The following AMPD1 variants were observed in gnomAD, a reference collection of about 807,000 sequenced individuals.
The protein encoded by AMPD1 is adenosine monophosphate deaminase 1.
A neutral mutation model predicts 82.9 loss-of-function variants in AMPD1; 74 were observed. The observed-to-expected ratio is 0.89, with a 90% CI of 0.74 to 1.08. The LOEUF (loss-of-function observed/expected upper bound fraction) is 1.08. Ranked by LOEUF, AMPD1 falls within the 50% of genes least tolerant of loss-of-function variation. AMPD1 has a pLI of 0.00. For missense variants in AMPD1, 881 were observed against 924.5 expected (o/e 0.95, Z 0.61); for synonymous variants, 333 against 320.5 (o/e 1.04, Z -0.42).
chr1:114,690,581 TAAACTC>T (rs1478315530), intron 2 of AMPD1, among the ~76,000 whole-genome samples: 4 of 152,204 alleles, frequency 2.6e-5, no homozygotes, highest in African/African-American at 9.6e-5. Context: ...TTTGCCTTGT[TAAACTC>T]AAACAACTGA....
intron 2 of AMPD1, among the ~76,000 whole-genome samples, chr1:114,690,396 A>G (rs1658479048): frequency 6.6e-6 from 1 of 152,188 alleles, no homozygotes. Context: ...TTGGACTATG[A>G]ATGAGATAAT....
Position 114,677,971 on chromosome 1 carries a change from C to T in AMPD1, c.1163G>A (p.Arg388Gln), listed in dbSNP as rs781528554. The T allele has an allele frequency of 4.0e-5, 64 of 1,613,610 alleles. No individual in the cohort carries two copies. The highest frequency in any genetic ancestry group is 5.3e-5 in the Non-Finnish European group (62 of 1,179,840). ...ATTGTCTGTCTTCAAGTAGAGGTCC[C>T]GTAGCTCACTTGCTCCTACAGGATT... ...KYNPVGASEL[R>Q]DLYLKTDNYI... The change falls in exon 9 of 16, where the codon CGG (arginine) becomes CAG (glutamine). Residue 388 changes from arginine to glutamine, a missense_variant. Arg to Gln is a conservative substitution (Grantham distance 43, BLOSUM62 1). Around this residue, in one of 2 missense-constraint regions of AMPD1, gnomAD observed 783 missense variants for 786.4 expected, o/e 1.00. Transcript: ENST00000520113.
intron 1 of AMPD1, among the ~76,000 whole-genome samples, chr1:114,694,238 A>AAAACAG (rs1394655212): frequency 6.6e-6 from 1 of 151,802 alleles, no homozygotes; most frequent in Non-Finnish European, 1.5e-5. Context: ...AACAAAAACA[A>AAAACAG]AAACGAACAA....
chr1:114,690,891 G>A (rs1339006061), intron 2 of AMPD1, among the ~76,000 whole-genome samples: 1 of 152,300 alleles, frequency 6.6e-6, no homozygotes, highest in African/African-American at 2.4e-5. Flanking sequence ...GATGAAACTG[G>A]TCAGTCATGC....
chr1:114,693,332 A>G, intron 2 of AMPD1, 104 bp downstream of exon 2: 1 of 1,174,064 alleles, frequency 8.5e-7, no homozygotes, highest in Non-Finnish European at 1.3e-6. Context: ...GCTATTATTT[A>G]ATAAACACTG....
At chr1:114,676,123 T>G in intron 10 of AMPD1, 120 bp from the exon 11 acceptor site, 1 of 1,178,700 alleles carries the variant, frequency 8.5e-7, no homozygotes, top group Non-Finnish European at 1.2e-6. Flanking sequence ...ATATCTATCC[T>G]AGGTCCATGC....
chr1:114,673,986 G>T lies in AMPD1; in HGVS notation c.1897C>A (p.Pro633Thr). ...CCTTTCTGAAGGAAATCCAAAAAAG[G>T]ATTTTTGGCATACTCTAGAAATAGG... ...NSLFLEYAKNPFLDFLQKGLM... is the reference protein window; with the variant it reads ...NSLFLEYAKNTFLDFLQKGLM... Residue 633 changes from proline to threonine, a missense_variant, in exon 14 of 16, where the codon CCT (proline) becomes ACT (threonine). By Grantham distance (38) the Pro-to-Thr change is conservative. Transcript: ENST00000520113. The T allele has an allele frequency of 6.2e-7, 1 of 1,613,856 alleles. No homozygotes were observed. Among genetic ancestry groups the T allele is most frequent in the Non-Finnish European group, 8.5e-7 (1 of 1,179,778 alleles).
intron 3 of AMPD1, among the ~76,000 whole-genome samples, chr1:114,687,573 G>C (rs1461450747): frequency 6.6e-6 from 1 of 152,126 alleles, no homozygotes; most frequent in Admixed American, 6.6e-5. Flanking sequence ...CATGAAGCTG[G>C]TGGGATGGGG....
Position 114,678,034 on chromosome 1 carries a change from T to A in AMPD1, c.1100A>T (p.Gln367Leu). 1 of 1,614,012 alleles carries A rather than the reference T, an allele frequency of 6.2e-7. No homozygotes were observed. Among genetic ancestry groups the A allele is most frequent in the Non-Finnish European group, 8.5e-7 (1 of 1,180,018 alleles). ...GAACTTATCAAAACGCTGGAAGGTC[T>A]GGCGTCCCTGAATCAGGAAAAAAGA... Reference protein sequence around the residue: ...VDSLDVHAGRQTFQRFDKFND... With the variant: ...VDSLDVHAGRLTFQRFDKFND... The change falls in exon 9 of 16, where the codon CAG becomes CTG. Residue 367 changes from glutamine to leucine, a missense_variant. Gln to Leu is a moderately radical substitution (Grantham distance 113). This residue lies in a region of AMPD1 where 783 missense variants were observed against 786.4 expected (regional missense o/e 1.00). Coordinates refer to ENST00000520113, the MANE Select transcript of AMPD1 (RefSeq NM_000036.3).
intron 2 of AMPD1, among the ~76,000 whole-genome samples, chr1:114,692,058 G>T (rs1658532042): frequency 6.6e-6 from 1 of 152,186 alleles, no homozygotes; most frequent in African/African-American, 2.4e-5. Context: ...TAATAATAAC[G>T]TCAACTTCAG....
At chr1:114,691,969 A>G (rs1189657511) in intron 2 of AMPD1, among the ~76,000 whole-genome samples, 1 of 152,204 alleles carries the variant, frequency 6.6e-6, no homozygotes, top group African/African-American at 2.4e-5. Context: ...AAATGTGTGT[A>G]TTAACAGCTG....
At chr1:114,695,422 G>A in intron 1 of AMPD1, 28 bp downstream of exon 1, 1 of 1,609,768 alleles carries the variant, frequency 6.2e-7, no homozygotes, top group Non-Finnish European at 8.5e-7. Context: ...AACAACAACT[G>A]AGCTCTCCAA....
At position 114,673,638 on chromosome 1, in the gene AMPD1, C is replaced by T. The variant is rs554746794; in HGVS notation, c.2085+1G>A. 2.5e-6 allele frequency: 4 copies of T among 1,611,588 alleles called. No individual in the cohort carries two copies. The highest frequency in any genetic ancestry group is 2.2e-5 in the South Asian group (2 of 91,046). On this transcript the variant is annotated splice_donor_variant, in intron 15 of 15. Transcript: ENST00000520113. LOFTEE classifies it high-confidence loss of function. ...GGGAAGCCATTTGAAGACAGGTCTACCTCATGAGAAATTCCACACTGCAAG... is the reference window on the plus strand; with the variant it reads ...GGGAAGCCATTTGAAGACAGGTCTATCTCATGAGAAATTCCACACTGCAAG...
At chr1:114,684,430 C>T in intron 4 of AMPD1, 66 bp from the exon 5 acceptor site, 1 of 1,555,634 alleles carries the variant, frequency 6.4e-7, no homozygotes, top group Non-Finnish European at 8.8e-7. Flanking sequence ...GTGAGTAAAG[C>T]TTATCCTTGG....
chr1:114,682,431 T>C (rs965407279), intron 5 of AMPD1, among the ~76,000 whole-genome samples: 7 of 152,122 alleles, frequency 4.6e-5, no homozygotes, highest in Admixed American at 6.5e-5. Context: ...ACAAACTAAA[T>C]GTCTATATTA....
chr1:114,679,511 T>A, intron 7 of AMPD1, 68 bp downstream of exon 7: 1 of 1,589,862 alleles, frequency 6.3e-7, no homozygotes, highest in Non-Finnish European at 8.6e-7. Context: ...ACTCTTTTCT[T>A]GTGCTTCTCA....
chr1:114,680,729 G>A (rs1225651497), intron 5 of AMPD1, among the ~76,000 whole-genome samples: 1 of 152,178 alleles, frequency 6.6e-6, no homozygotes, highest in Admixed American at 6.5e-5. Context: ...CACTTTGGGA[G>A]GCCAAGGCAG....
At chr1:114,676,103 A>G in intron 10 of AMPD1, 100 bp from the exon 11 acceptor site, 1 of 1,360,122 alleles carries the variant, frequency 7.4e-7, no homozygotes, top group Non-Finnish European at 1.0e-6. Flanking sequence ...TGCACAGGAA[A>G]AGACGTGGTA....
intron 7 of AMPD1, 89 bp from the exon 8 acceptor site, chr1:114,678,616 G>A (rs753640012): frequency 8.3e-6 from 10 of 1,203,844 alleles, no homozygotes; most frequent in Non-Finnish European, 1.2e-5. Context: ...AAATCCCACT[G>A]CGTTGGGACA....
Sources: gnomAD v4.1 joint callset for allele counts (sites outside exome capture counted in the v4.1 genomes callset) on GRCh38, gnomAD v4.1.1 for gene constraint, gnomAD v4.1.1 regional missense constraint, MANE v1.5 for transcripts, NCBI Gene and HGNC (gene_info 2026-07-23, HGNC 2026-07-21) for gene names.